PAX3: variants seen among roughly 807,000 people sequenced by gnomAD.
PAX3 encodes paired box 3.
A neutral mutation model predicts 51.6 loss-of-function variants in PAX3; 14 were observed. That is an observed-to-expected ratio of 0.27 (90% confidence interval 0.18 to 0.42). The LOEUF is 0.42. Among genes scored for constraint, PAX3 ranks in the 10% least tolerant of loss-of-function variants. PAX3 has a pLI of 1.00. For synonymous variants in PAX3, 280 were observed against 253.4 expected (o/e 1.11, Z -1.00); for missense variants, 540 against 642.8 (o/e 0.84, Z 1.73).
chr2:222,216,035 G>C (rs1438518591), intron 7 of PAX3, among the ~76,000 whole-genome samples: 1 of 152,116 alleles, frequency 6.6e-6, no homozygotes, highest in African/African-American at 2.4e-5. Flanking sequence ...TAAATTCCCT[G>C]ACACATGCAG....
intron 4 of PAX3, among the ~76,000 whole-genome samples, chr2:222,276,123 G>A (rs566145741): frequency 6.6e-6 from 1 of 152,292 alleles, no homozygotes; most frequent in South Asian, 2.1e-4. Flanking sequence ...AGGCATAGAC[G>A]AAAGAGGGAA....
intron 4 of PAX3, among the ~76,000 whole-genome samples, chr2:222,290,168 A>T (rs1032729559): frequency 4.6e-5 from 7 of 152,128 alleles, no homozygotes; most frequent in Non-Finnish European, 8.8e-5. Context: ...TGCTCTTTTC[A>T]TGATTTCACT....
intron 4 of PAX3, among the ~76,000 whole-genome samples, chr2:222,236,025 T>C (rs1187617580): frequency 2.0e-5 from 3 of 152,208 alleles, no homozygotes; most frequent in Non-Finnish European, 2.9e-5. Flanking sequence ...TTTGGCAATA[T>C]GAAGCCACAA....
Position 222,280,600 on chromosome 2 carries a change from TAC to T in PAX3, c.586+13565_586+13566del, listed in dbSNP as rs146484286. The stretch of plus-strand genomic sequence containing the variant: ...TTTACTGACAACTCATTGAGCCTCT[TAC>T]AAAAGCAAGATGAGATGGTCATCCC... On this transcript the variant is annotated intron_variant, in intron 4 of 8. Transcript: ENST00000392070. Among the ~76,000 whole-genome samples the T allele has an allele frequency of 1.4e-4, 22 of 152,292 alleles. No individual in the cohort carries two copies. In the East Asian group the frequency reaches 2.9e-3, roughly 20 times the overall value.
At chr2:222,276,276 G>A (rs1470452277) in intron 4 of PAX3, among the ~76,000 whole-genome samples, 2 of 152,216 alleles carry the variant, frequency 1.3e-5, no homozygotes, top group African/African-American at 4.8e-5. Context: ...AAGAAAGCAC[G>A]CATCTCCCTG....
intron 2 of PAX3, among the ~76,000 whole-genome samples, 164 bp from the exon 3 acceptor site, chr2:222,295,821 G>C (rs1340517971): frequency 6.6e-6 from 1 of 152,176 alleles, no homozygotes; most frequent in Non-Finnish European, 1.5e-5. Flanking sequence ...TTTAGAAAGG[G>C]GCAGACCAGA....
chr2:222,215,968 A>G (rs1169963582), intron 7 of PAX3, among the ~76,000 whole-genome samples: 1 of 152,122 alleles, frequency 6.6e-6, no homozygotes, highest in Non-Finnish European at 1.5e-5. Flanking sequence ...GATGGTGGAA[A>G]ATTTTGAGGT....
At chr2:222,291,590 G>A (rs975464752) in intron 4 of PAX3, among the ~76,000 whole-genome samples, 1 of 152,126 alleles carries the variant, frequency 6.6e-6, no homozygotes, top group African/African-American at 2.4e-5. Flanking sequence ...CAGACCTCAG[G>A]CCAAAGATTC....
intron 4 of PAX3, among the ~76,000 whole-genome samples, chr2:222,279,362 A>T (rs1384105550): frequency 6.6e-6 from 1 of 151,846 alleles, no homozygotes; most frequent in East Asian, 1.9e-4. Context: ...GGAATGTACA[A>T]GGCAAATGGC....
intron 4 of PAX3, 82 bp from the exon 5 acceptor site, chr2:222,232,365 C>CTGTAATGGTGTCT: frequency 8.4e-7 from 1 of 1,189,786 alleles, no homozygotes; most frequent in Non-Finnish European, 1.2e-6. Flanking sequence ...CTCTCTCCGA[C>CTGTAATGGTGTCT]TGCAAGACAC....
intron 8 of PAX3, 75 bp from the exon 9 acceptor site, chr2:222,201,517 T>C (rs1480011198): frequency 6.4e-7 from 1 of 1,571,216 alleles, no homozygotes; most frequent in South Asian, 1.1e-5. Context: ...AGCTACAGGC[T>C]GACAATGTCA....
At chr2:222,213,855 G>A (rs143958863) in intron 7 of PAX3, among the ~76,000 whole-genome samples, 38 of 152,290 alleles carry the variant, frequency 2.5e-4, no homozygotes, top group African/African-American at 8.9e-4. Flanking sequence ...GGTAGCTTCT[G>A]GATGCGTACC....
intron 4 of PAX3, among the ~76,000 whole-genome samples, chr2:222,235,900 A>G (rs1246399848): frequency 6.6e-6 from 1 of 152,242 alleles, no homozygotes; most frequent in Non-Finnish European, 1.5e-5. Flanking sequence ...TTCAAAAGCA[A>G]TGGAAAGGTT....
intron 3 of PAX3, among the ~76,000 whole-genome samples, chr2:222,295,247 C>A (rs993198171): frequency 6.6e-6 from 1 of 152,202 alleles, no homozygotes; most frequent in African/African-American, 2.4e-5. Context: ...TTAATAAACG[C>A]TCTGCCTCCG....
At chr2:222,217,177 C>A (rs1262235704) in intron 7 of PAX3, among the ~76,000 whole-genome samples, 1 of 152,120 alleles carries the variant, frequency 6.6e-6, no homozygotes, top group Non-Finnish European at 1.5e-5. Flanking sequence ...GTTTTTTCTA[C>A]TTTATAGACA....
intron 7 of PAX3, among the ~76,000 whole-genome samples, chr2:222,202,606 AT>A (rs1253091348): frequency 6.6e-6 from 1 of 152,230 alleles, no homozygotes; most frequent in African/African-American, 2.4e-5. Flanking sequence ...TTCACATGTG[AT>A]TTTTAAACAG....
chr2:222,275,750 A>T (rs575929141), intron 4 of PAX3, among the ~76,000 whole-genome samples: 1 of 152,252 alleles, frequency 6.6e-6, no homozygotes, highest in Non-Finnish European at 1.5e-5. Context: ...AAATACTTCA[A>T]TGTTTTTACA....
intron 5 of PAX3, among the ~76,000 whole-genome samples, chr2:222,229,530 G>A (rs1023410219): frequency 1.3e-5 from 2 of 151,830 alleles, no homozygotes; most frequent in African/African-American, 4.8e-5. Context: ...TTCTACCTCT[G>A]AATACCTTCA....
chr2:222,211,988 C>T (rs1367862034), intron 7 of PAX3, among the ~76,000 whole-genome samples: 7 of 152,160 alleles, frequency 4.6e-5, no homozygotes, highest in Non-Finnish European at 7.4e-5. Flanking sequence ...CAAATAGCAT[C>T]ATTCCTCTAG....
Sources: allele counts gnomAD v4.1 joint callset (sites outside exome capture counted in the v4.1 genomes callset), GRCh38; gene constraint gnomAD v4.1.1; transcripts MANE v1.5; gene names NCBI Gene and HGNC (gene_info 2026-07-23, HGNC 2026-07-21).